EYS: variants seen among roughly 807,000 people sequenced by gnomAD.
EYS encodes the protein protein eyes shut homolog.
A neutral mutation model predicts 282.1 loss-of-function variants in EYS; 250 were observed. The ratio of observed to expected loss-of-function variants is 0.89; its 90% CI spans 0.80 to 0.98. EYS has a LOEUF of 0.98. Among genes scored for constraint, EYS ranks in the 50% least tolerant of loss-of-function variants. The pLI, the probability that EYS is intolerant of heterozygous loss-of-function variation, is 0.00. For missense variants in EYS, 4,016 were observed against 3,709.0 expected (o/e 1.08, Z -2.15); for synonymous variants, 1,355 against 1,282.9 (o/e 1.06, Z -1.20).
intron 14 of EYS, among the ~76,000 whole-genome samples, chr6:64,968,720 T>G (rs899270046): frequency 2.0e-5 from 3 of 152,208 alleles, no homozygotes; most frequent in African/African-American, 7.2e-5. Context: ...TGGCTGTTTT[T>G]GTGGTTGCCA....
At chr6:65,389,776 C>T (rs1194223846) in intron 7 of EYS, among the ~76,000 whole-genome samples, 1 of 151,898 alleles carries the variant, frequency 6.6e-6, no homozygotes, top group Non-Finnish European at 1.5e-5. Context: ...TAAGTTTGAG[C>T]TTCTATATTA....
At chr6:64,343,871 G>A (rs1158039498) in intron 29 of EYS, among the ~76,000 whole-genome samples, 1 of 151,862 alleles carries the variant, frequency 6.6e-6, no homozygotes, top group African/African-American at 2.4e-5. Flanking sequence ...ATGATAAAGG[G>A]GATATCACCA....
intron 33 of EYS, among the ~76,000 whole-genome samples, chr6:64,024,159 C>A (rs1373066443): frequency 2.0e-5 from 3 of 152,234 alleles, no homozygotes; most frequent in Admixed American, 6.5e-5. Flanking sequence ...CCACCTGCAG[C>A]CCTGGTGCGG....
chr6:64,131,538 G>A (rs1424331553), intron 31 of EYS, among the ~76,000 whole-genome samples: 1 of 152,064 alleles, frequency 6.6e-6, no homozygotes, highest in African/African-American at 2.4e-5. Context: ...TGTGTGTGGG[G>A]GAGCAGTGCG....
intron 31 of EYS, among the ~76,000 whole-genome samples, chr6:64,113,483 A>T (rs1582287061): frequency 6.6e-6 from 1 of 152,152 alleles, no homozygotes; most frequent in Admixed American, 6.5e-5. Flanking sequence ...AACAATCTCT[A>T]GTTTACAGTA....
At chr6:63,733,816 A>C (rs533283857) in intron 41 of EYS, among the ~76,000 whole-genome samples, 20 of 152,276 alleles carry the variant, frequency 1.3e-4, no homozygotes, top group African/African-American at 4.6e-4. Context: ...GGCAGTGAGC[A>C]TGCTTGCTTT....
intron 22 of EYS, among the ~76,000 whole-genome samples, chr6:64,774,795 T>C (rs1392474728): frequency 6.6e-6 from 1 of 151,980 alleles, no homozygotes; most frequent in Non-Finnish European, 1.5e-5. Flanking sequence ...GGGCCCATCT[T>C]TCCCTGTAAC....
chr6:65,528,111 A>G (rs1378795809), intron 2 of EYS, among the ~76,000 whole-genome samples: 1 of 152,206 alleles, frequency 6.6e-6, no homozygotes, highest in Non-Finnish European at 1.5e-5. Context: ...ACAATGGCCA[A>G]TATAATGAGA....
intron 31 of EYS, among the ~76,000 whole-genome samples, chr6:64,113,879 G>C (rs1202504598): frequency 1.3e-5 from 2 of 152,148 alleles, no homozygotes; most frequent in Non-Finnish European, 2.9e-5. Context: ...TTGGCAAGCA[G>C]GTTAAATCCA....
At chr6:63,844,959 C>A (rs1010709228) in intron 36 of EYS, among the ~76,000 whole-genome samples, 1 of 151,998 alleles carries the variant, frequency 6.6e-6, no homozygotes. Flanking sequence ...AATGGTATTG[C>A]CTAGATTTTC....
chr6:64,751,105 C>G (rs964913060), intron 22 of EYS, among the ~76,000 whole-genome samples: 1 of 151,680 alleles, frequency 6.6e-6, no homozygotes, highest in Non-Finnish European at 1.5e-5. Context: ...GGTACACCTG[C>G]CAACCTGGAT....
At chr6:64,112,925 T>C (rs567580489) in intron 31 of EYS, among the ~76,000 whole-genome samples, 12 of 151,906 alleles carry the variant, frequency 7.9e-5, no homozygotes, top group African/African-American at 2.2e-4. Flanking sequence ...CCCCCAGAGA[T>C]TGTAGTCAGG....
At chr6:63,787,000 A>C (rs1770381817) in intron 39 of EYS, 2 of 152,124 alleles carry the variant, frequency 1.3e-5, no homozygotes, top group African/African-American at 4.8e-5. Flanking sequence ...GGCAGACATT[A>C]AGAGAGGATC....
chr6:64,607,797 T>C (rs1020519388), intron 24 of EYS, among the ~76,000 whole-genome samples: 120 of 152,138 alleles, frequency 7.9e-4, no homozygotes, highest in African/African-American at 2.7e-3. Flanking sequence ...TCTGACGTAG[T>C]GCTCATGGAT....
chr6:64,911,735 G>A (rs1404915713), intron 16 of EYS, among the ~76,000 whole-genome samples: 2 of 152,090 alleles, frequency 1.3e-5, no homozygotes, highest in African/African-American at 2.4e-5. Flanking sequence ...GTGTTTTGGA[G>A]CAGAAGCATT....
chr6:64,240,411 T>G (rs1037116623), intron 30 of EYS, among the ~76,000 whole-genome samples: 2 of 152,232 alleles, frequency 1.3e-5, no homozygotes, highest in Admixed American at 1.3e-4. Context: ...CATTTGCTTG[T>G]GTCCTCTATT....
intron 26 of EYS, among the ~76,000 whole-genome samples, chr6:64,509,490 G>A (rs577377102): frequency 1.3e-5 from 2 of 152,086 alleles, no homozygotes; most frequent in Non-Finnish European, 2.9e-5. Flanking sequence ...TTTGCTCATG[G>A]TCTTTGTGAG....
chr6:64,659,919 C>T (rs988926347), intron 22 of EYS, among the ~76,000 whole-genome samples: 3 of 152,138 alleles, frequency 2.0e-5, no homozygotes, highest in African/African-American at 7.2e-5. Context: ...CAAAGCCTGG[C>T]AGAGACACAA....
intron 29 of EYS, among the ~76,000 whole-genome samples, chr6:64,312,054 C>A (rs1006490732): frequency 6.6e-6 from 1 of 150,642 alleles, no homozygotes; most frequent in Non-Finnish European, 1.5e-5. Flanking sequence ...TGCAAAGGGG[C>A]CTGAAACCAG....
Sources: allele counts gnomAD v4.1 joint callset (sites outside exome capture counted in the v4.1 genomes callset), GRCh38; gene constraint gnomAD v4.1.1; transcripts MANE v1.5; gene names NCBI Gene and HGNC (gene_info 2026-07-23, HGNC 2026-07-21).